CAMK2G: variants seen among roughly 807,000 people sequenced by gnomAD.
CAMK2G encodes the protein calcium/calmodulin dependent protein kinase II gamma.
In CAMK2G, 23 loss-of-function variants were observed where a neutral mutation model predicts 88.7. The ratio of observed to expected loss-of-function variants is 0.26; its 90% CI spans 0.19 to 0.37. The LOEUF (loss-of-function observed/expected upper bound fraction) is 0.37. Among genes scored for constraint, CAMK2G ranks in the 10% least tolerant of loss-of-function variants. The probability of loss-of-function intolerance (pLI) is 1.00; values close to 1 mark genes in which losing one functional copy is unlikely to be tolerated. For synonymous variants in CAMK2G, 263 were observed against 294.8 expected (o/e 0.89, Z 1.11); for missense variants, 476 against 780.8 (o/e 0.61, Z 4.65).
chr10:73,867,863 G>A (rs970139134), intron 2 of CAMK2G, among the ~76,000 whole-genome samples: 1 of 152,168 alleles, frequency 6.6e-6, no homozygotes, highest in African/African-American at 2.4e-5. Context: ...GCCTGAGGAC[G>A]CTGGGTCTGA....
At chr10:73,872,736 C>T (rs990896738) in intron 2 of CAMK2G, among the ~76,000 whole-genome samples, 5 of 152,176 alleles carry the variant, frequency 3.3e-5, no homozygotes, top group Non-Finnish European at 7.4e-5. Flanking sequence ...CCCTGAAGAC[C>T]GAACTCCCTT....
intron 3 of CAMK2G, among the ~76,000 whole-genome samples, chr10:73,856,048 C>T (rs1305745726): frequency 1.3e-5 from 2 of 152,068 alleles, no homozygotes; most frequent in Non-Finnish European, 2.9e-5. Context: ...GCTGGGACCA[C>T]AGCTGTGAGC....
At chr10:73,823,523 T>C (rs749289572) in intron 17 of CAMK2G, among the ~76,000 whole-genome samples, 1 of 152,154 alleles carries the variant, frequency 6.6e-6, no homozygotes, top group Non-Finnish European at 1.5e-5. Context: ...GCTTATCTTA[T>C]CTGTTTGCTT....
chr10:73,856,110 A>G (rs2095013983), intron 3 of CAMK2G, among the ~76,000 whole-genome samples: 1 of 151,824 alleles, frequency 6.6e-6, no homozygotes, highest in Admixed American at 6.6e-5. Context: ...AACAACTAAC[A>G]CTTAGTTGAG....
intron 2 of CAMK2G, among the ~76,000 whole-genome samples, chr10:73,866,053 A>G (rs1042727077): frequency 6.6e-6 from 1 of 152,182 alleles, no homozygotes; most frequent in Non-Finnish European, 1.5e-5. Context: ...AGGAGCAGAA[A>G]GCAGAAGCAG....
At position 73,840,314 on chromosome 10, in the gene CAMK2G, G is replaced by A. The variant is rs572296837; in HGVS notation, c.947-713C>T. On this transcript the variant is annotated intron_variant, in intron 12 of 22. Transcript: ENST00000423381. ...CAATACACTCTGGAGGCCCCGATTC[G>A]CTGTTAGCCAAACTGCTAGAGTCCA... 2.6e-5 allele frequency among the ~76,000 whole-genome samples: 4 copies of A among 152,326 alleles called. No individual in the cohort carries two copies. The South Asian group carries it at 6.2e-4, about 24-fold the overall frequency.
In CAMK2G at chr10:73,812,899, G is replaced by T. The variant is rs546966283; in HGVS notation, c.*1619C>A. 1 of 152,860 alleles carries T rather than the reference G, an allele frequency of 6.5e-6. No homozygotes were observed. The highest frequency in any genetic ancestry group is 1.9e-4 in the East Asian group (1 of 5,190). 9.5% of individuals were successfully genotyped at this position (152,860 alleles called of 1,614,324 possible). A position where few individuals can be genotyped will look rare whatever the true frequency, so the allele number is the denominator to read the frequency against. On this transcript the variant is annotated 3_prime_UTR_variant, in exon 23 of 23. Transcript: ENST00000423381. ...GCCCAGGGGCTGGGACATGCATGAG[G>T]TGCTCGGAGGAGCCTGGCTAAATCC...
chr10:73,851,832 G>A (rs1156439724), intron 5 of CAMK2G, among the ~76,000 whole-genome samples: 2 of 151,630 alleles, frequency 1.3e-5, no homozygotes, highest in East Asian at 1.9e-4. Context: ...TGCAACCTTC[G>A]CTTACAGGTT....
chr10:73,840,895 T>C (rs1243088681), intron 12 of CAMK2G, among the ~76,000 whole-genome samples: 1 of 152,240 alleles, frequency 6.6e-6, no homozygotes, highest in East Asian at 1.9e-4. Flanking sequence ...GAAGCAAGTG[T>C]GGGACTACAG....
At chr10:73,837,436 G>A (rs772211934) in intron 14 of CAMK2G, 32 bp downstream of exon 14, 2 of 1,576,450 alleles carry the variant, frequency 1.3e-6, no homozygotes, top group Admixed American at 3.3e-5. Flanking sequence ...GGGAGAAAGA[G>A]GCCAGTCTGT....
At chr10:73,850,571 A>C (rs2094547563) in intron 5 of CAMK2G, among the ~76,000 whole-genome samples, 1 of 152,254 alleles carries the variant, frequency 6.6e-6, no homozygotes, top group Admixed American at 6.5e-5. Context: ...CCTCACAACA[A>C]GGAAGTACCT....
intron 2 of CAMK2G, among the ~76,000 whole-genome samples, chr10:73,871,997 T>A (rs2633312): frequency 0.47 from 70,996 of 152,018 alleles, 17,578 homozygotes; most frequent in Middle Eastern, 0.61. Context: ...TCCTGGCTCC[T>A]AATATATTTA....
At chr10:73,834,153 C>T (rs2092913416) in intron 14 of CAMK2G, among the ~76,000 whole-genome samples, 1 of 151,360 alleles carries the variant, frequency 6.6e-6, no homozygotes, top group South Asian at 2.1e-4. Context: ...CTCCTGACCT[C>T]GTGATCCACC....
rs1023725391 is a variant in CAMK2G at position 73,842,795 on chromosome 10, T to G, written c.820-254A>C. Among the ~76,000 whole-genome samples, 1 of 152,200 alleles carries G rather than the reference T, an allele frequency of 6.6e-6. No individual in the cohort carries two copies. Among genetic ancestry groups the G allele is most frequent in the Non-Finnish European group, 1.5e-5 (1 of 68,024 alleles). On this transcript the variant is annotated intron_variant, in intron 10 of 22. Coordinates refer to ENST00000423381, the MANE Select transcript of CAMK2G (RefSeq NM_001367534.1). The surrounding 1 kb of genome is among the most constrained non-coding windows in gnomAD (Gnocchi z 4.6). Reference sequence around the variant, plus strand: ...TAGACGGGCTGCTGAGAGACCGTCCTATTCTTCCTTGGGAAACAGAGGCTA... The same window carrying G: ...TAGACGGGCTGCTGAGAGACCGTCCGATTCTTCCTTGGGAAACAGAGGCTA...
chr10:73,858,745 C>T (rs2095223516), intron 3 of CAMK2G, among the ~76,000 whole-genome samples: 1 of 152,236 alleles, frequency 6.6e-6, no homozygotes, highest in Admixed American at 6.5e-5. Flanking sequence ...AAGTAAAGGG[C>T]TACCAAACAG....
chr10:73,850,340 G>T (rs1025128333), intron 5 of CAMK2G, among the ~76,000 whole-genome samples: 6 of 152,164 alleles, frequency 3.9e-5, no homozygotes, highest in African/African-American at 1.4e-4. Flanking sequence ...AAACCATCCT[G>T]CCATCCCTGT....
chr10:73,828,602 C>T (rs2091730778), intron 14 of CAMK2G, among the ~76,000 whole-genome samples: 1 of 152,218 alleles, frequency 6.6e-6, no homozygotes, highest in Non-Finnish European at 1.5e-5. Flanking sequence ...AATTTGACTT[C>T]TGACTTCGCT....
Position 73,848,390 on chromosome 10 carries a change from C to T in CAMK2G, c.601+136G>A. On this transcript the variant is annotated intron_variant, in intron 8 of 22. Transcript: ENST00000423381. The surrounding 1 kb of genome is among the most constrained non-coding windows in gnomAD (Gnocchi z 4.5). ...GGAGGGTGTGATGGGAACAGCCATC[C>T]CAGGGGCAAACACCATAATTTCACA... 1.4e-6 allele frequency: 1 copy of T among 700,906 alleles called. No homozygotes were observed. The highest frequency in any genetic ancestry group is 2.6e-6 in the Non-Finnish European group (1 of 382,930). 43.4% of individuals were successfully genotyped at this position (700,906 alleles called of 1,614,324 possible). A position where few individuals can be genotyped will look rare whatever the true frequency, so the allele number is the denominator to read the frequency against.
chr10:73,821,738 C>T lies in CAMK2G; in HGVS notation c.1201-8G>A. 1 of 1,608,896 alleles carries T rather than the reference C, an allele frequency of 6.2e-7. No individual in the cohort carries two copies. Among genetic ancestry groups the T allele is most frequent in the Non-Finnish European group, 8.5e-7 (1 of 1,176,920 alleles). ...GCAGCTCTCTGTGGAGCCCTGTAGG[C>T]CAAAAAGAACATGTTTCTATATGCT... On this transcript the variant is annotated splice_region_variant and splice_polypyrimidine_tract_variant and intron_variant, in intron 17 of 22. Coordinates refer to ENST00000423381, the MANE Select transcript of CAMK2G (RefSeq NM_001367534.1).
Sources: gnomAD v4.1 joint callset for allele counts (sites outside exome capture counted in the v4.1 genomes callset) on GRCh38, gnomAD v4.1.1 for gene constraint, Gnocchi (gnomAD v3.1) non-coding constraint, MANE v1.5 for transcripts, NCBI Gene and HGNC (gene_info 2026-07-23, HGNC 2026-07-21) for gene names.